Variants in TMEM232 observed in about 807,000 individuals in gnomAD.
The protein encoded by TMEM232 is transmembrane protein 232.
A neutral mutation model predicts 78.8 loss-of-function variants in TMEM232; 80 were observed. That is an observed-to-expected ratio of 1.01 (90% CI 0.85 to 1.22). The LOEUF is 1.22. TMEM232 is among the 50% of genes most tolerant of loss of function. TMEM232 has a pLI of 0.00. For missense variants in TMEM232, 881 were observed against 742.2 expected (o/e 1.19, Z -2.17); for synonymous variants, 297 against 254.3 (o/e 1.17, Z -1.60).
chr5:110,721,339 G>A (rs996404473), intron 1 of TMEM232, among the ~76,000 whole-genome samples: 24 of 151,818 alleles, frequency 1.6e-4, no homozygotes, highest in East Asian at 3.9e-4. Flanking sequence ...CTTTTTGTGC[G>A]TCTTTTAAGA....
intron 8 of TMEM232, among the ~76,000 whole-genome samples, chr5:110,611,637 T>TGA (rs1362895790): frequency 6.6e-6 from 1 of 152,168 alleles, no homozygotes; most frequent in African/African-American, 2.4e-5. Context: ...TGGCAATTTA[T>TGA]GAGACACTGA....
intron 2 of TMEM232, among the ~76,000 whole-genome samples, chr5:110,407,376 A>G (rs1755831285): frequency 6.6e-6 from 1 of 152,286 alleles, no homozygotes; most frequent in South Asian, 2.1e-4. Flanking sequence ...GAGAGGAGTA[A>G]CTAGATTCAT....
At chr5:110,586,062 A>G (rs1778784235) in intron 10 of TMEM232, among the ~76,000 whole-genome samples, 2 of 152,174 alleles carry the variant, frequency 1.3e-5, no homozygotes, top group South Asian at 4.1e-4. Flanking sequence ...AGTGGAGAGA[A>G]AGAGATACAG....
intron 2 of TMEM232, among the ~76,000 whole-genome samples, chr5:110,651,766 G>C (rs1435859820): frequency 1.3e-5 from 2 of 152,006 alleles, no homozygotes; most frequent in African/African-American, 4.8e-5. Flanking sequence ...TTGGTTATGG[G>C]GTGGGGCAAG....
At chr5:110,685,335 G>T (rs374179218) in intron 1 of TMEM232, among the ~76,000 whole-genome samples, 1 of 152,050 alleles carries the variant, frequency 6.6e-6, no homozygotes, top group South Asian at 2.1e-4. Flanking sequence ...AAAAGTGGAA[G>T]TGAAGAGAAG....
At chr5:110,426,409 G>T (rs976860381) in intron 12 of TMEM232, among the ~76,000 whole-genome samples, 1 of 151,974 alleles carries the variant, frequency 6.6e-6, no homozygotes, top group Admixed American at 6.6e-5. Context: ...TTGTATGTTT[G>T]CTGAATGATT....
At chr5:110,556,805 C>T (rs1345936492) in intron 11 of TMEM232, among the ~76,000 whole-genome samples, 2 of 152,258 alleles carry the variant, frequency 1.3e-5, no homozygotes, top group East Asian at 3.9e-4. Flanking sequence ...TTCCTGCTGC[C>T]TTTAACATTT....
intron 12 of TMEM232, among the ~76,000 whole-genome samples, chr5:110,445,468 C>G (rs1759544493): frequency 6.6e-6 from 1 of 152,006 alleles, no homozygotes; most frequent in South Asian, 2.1e-4. Context: ...CAAAATAATA[C>G]AAAGTCAATT....
At chr5:110,641,414 T>A (rs1046578397) in intron 3 of TMEM232, among the ~76,000 whole-genome samples, 1 of 152,146 alleles carries the variant, frequency 6.6e-6, no homozygotes, top group East Asian at 1.9e-4. Context: ...CGGAAGTTAA[T>A]GAACTTGAGG....
intron 2 of TMEM232, among the ~76,000 whole-genome samples, chr5:110,656,946 T>C (rs79186661): frequency 0.013 from 1,991 of 152,270 alleles, 45 homozygotes; most frequent in African/African-American, 0.045. Flanking sequence ...ACATAATAAT[T>C]GTACGTATTT....
rs563010926 is a variant in TMEM232, at chr5:110,607,066, G to C, written c.903-779C>G. ...GAATTTCACAACTGTGATATTTCAG[G>C]CCCATAAGTTCAAGGTCATCATCAT... is the stretch of plus-strand genomic sequence containing the variant. On this transcript the variant is annotated intron_variant, in intron 8 of 13. Coordinates refer to ENST00000455884, the MANE Select transcript of TMEM232 (RefSeq NM_001039763.4). 2.6e-5 allele frequency among the ~76,000 whole-genome samples: 4 copies of C among 151,876 alleles called. No individual in the cohort carries two copies. In the East Asian group the frequency reaches 7.7e-4, roughly 29 times the overall value.
At chr5:110,629,613 C>T (rs114260930) in intron 5 of TMEM232, among the ~76,000 whole-genome samples, 4,409 of 152,154 alleles carry the variant, frequency 0.029, 166 homozygotes, top group African/African-American at 0.088. Context: ...TTCATTCGAC[C>T]TTTACCTCCT....
intron 1 of TMEM232, among the ~76,000 whole-genome samples, chr5:110,697,747 G>T (rs147514693): frequency 0.085 from 13,004 of 152,184 alleles, 580 homozygotes; most frequent in Admixed American, 0.12. Context: ...ACCGCAATGA[G>T]ATACCATCTC....
At chr5:110,693,566 G>A (rs1354167561) in intron 1 of TMEM232, among the ~76,000 whole-genome samples, 3 of 152,166 alleles carry the variant, frequency 2.0e-5, no homozygotes, top group Non-Finnish European at 4.4e-5. Flanking sequence ...AAAACGATTA[G>A]ATGAATGGCT....
intron 2 of TMEM232, among the ~76,000 whole-genome samples, chr5:110,405,140 T>G (rs1159186375): frequency 6.6e-6 from 1 of 151,986 alleles, no homozygotes; most frequent in South Asian, 2.1e-4. Context: ...TTTCTCTCAT[T>G]TGGAATATAA....
intron 11 of TMEM232, among the ~76,000 whole-genome samples, chr5:110,532,428 C>T (rs894567387): frequency 8.6e-5 from 13 of 151,766 alleles, no homozygotes; most frequent in African/African-American, 1.9e-4. Flanking sequence ...CGGAGGCTAC[C>T]CACTCCACAT....
intron 10 of TMEM232, among the ~76,000 whole-genome samples, chr5:110,587,708 T>A (rs1036212159): frequency 7.3e-6 from 1 of 136,188 alleles, no homozygotes; most frequent in African/African-American, 2.9e-5. Flanking sequence ...TGTGTGTGTG[T>A]GTGTGTGTGT....
At chr5:110,713,510 G>T (rs1050275347) in intron 1 of TMEM232, among the ~76,000 whole-genome samples, 11 of 151,592 alleles carry the variant, frequency 7.3e-5, no homozygotes, top group Admixed American at 7.2e-4. Context: ...TATAATATGT[G>T]TCCCATAAAT....
chr5:110,598,917 C>T (rs531034693), intron 10 of TMEM232, among the ~76,000 whole-genome samples: 47 of 149,202 alleles, frequency 3.2e-4, no homozygotes, highest in East Asian at 1.4e-3. Context: ...TGCTAAATGA[C>T]GAGTTAATGG....
Sources: gnomAD v4.1 joint callset for allele counts (sites outside exome capture counted in the v4.1 genomes callset) on GRCh38, gnomAD v4.1.1 for gene constraint, MANE v1.5 for transcripts, NCBI Gene and HGNC (gene_info 2026-07-23, HGNC 2026-07-21) for gene names.